The following PLOD1 variants were observed in gnomAD, a reference collection of about 807,000 sequenced individuals.
PLOD1 encodes lysine hydroxylase.
A neutral mutation model predicts 94.7 loss-of-function variants in PLOD1; 70 were observed. The ratio of observed to expected loss-of-function variants is 0.74; its 90% CI spans 0.61 to 0.90. The LOEUF (loss-of-function observed/expected upper bound fraction) is 0.90, where lower values mean the gene tolerates loss of function less well. Among genes scored for constraint, PLOD1 ranks in the 40% least tolerant of loss-of-function variants. The pLI, the probability that PLOD1 is intolerant of heterozygous loss-of-function variation, is 0.00. For missense variants in PLOD1, 905 were observed against 972.7 expected (o/e 0.93, Z 0.93); for synonymous variants, 417 against 400.2 (o/e 1.04, Z -0.50).
At chr1:11,939,263 G>C (rs1021256228) in intron 1 of PLOD1, among the ~76,000 whole-genome samples, 2 of 152,128 alleles carry the variant, frequency 1.3e-5, no homozygotes, top group South Asian at 2.1e-4. Flanking sequence ...AGCTGGCCCC[G>C]GGGAGGCTAA....
chr1:11,962,081 G>A (rs931075051), intron 10 of PLOD1, among the ~76,000 whole-genome samples: 14 of 151,538 alleles, frequency 9.2e-5, no homozygotes, highest in Non-Finnish European at 1.9e-4. Context: ...GAGCCACTGC[G>A]CCTGGTTAAT....
intron 16 of PLOD1, 129 bp from the exon 17 acceptor site, chr1:11,970,541 C>A: frequency 1.2e-6 from 1 of 856,422 alleles, no homozygotes; most frequent in Non-Finnish European, 1.9e-6. Context: ...TTAATTGTAT[C>A]TGCAAAGCCT....
At position 11,958,407 on chromosome 1, in the gene PLOD1, G is replaced by A; in HGVS notation, c.844-109G>A. 6 of 1,299,752 alleles carry A rather than the reference G, an allele frequency of 4.6e-6. No homozygotes were observed. Among genetic ancestry groups the A allele is most frequent in the South Asian group, 2.5e-5 (2 of 80,236 alleles). The allele number at this position is 1,299,752 out of a possible 1,614,324, so 80.5% of individuals were successfully genotyped here. A position where few individuals can be genotyped will look rare whatever the true frequency, so the allele number is the denominator to read the frequency against. ...CCGGCCCGGGCACCTTTCTTGGGAAGTCTACATGCTTCTGATTCTGGCTCT... is the reference window on the plus strand; with the variant it reads ...CCGGCCCGGGCACCTTTCTTGGGAAATCTACATGCTTCTGATTCTGGCTCT... On this transcript the variant is annotated intron_variant, in intron 8 of 18. Coordinates refer to ENST00000196061, the MANE Select transcript of PLOD1 (RefSeq NM_000302.4). The surrounding 1 kb of genome is among the most constrained non-coding windows in gnomAD (Gnocchi z 4.3).
At position 11,967,078 on chromosome 1, in the gene PLOD1, T is replaced by C. The variant is rs1645824204; in HGVS notation, c.1742T>C (p.Leu581Pro). 1 of 1,610,174 alleles carries C rather than the reference T, an allele frequency of 6.2e-7. No homozygotes were observed. Among genetic ancestry groups the C allele is most frequent in the South Asian group, 1.1e-5 (1 of 91,018 alleles). ...ATGGAGCACTTTGGCCAGTGGTCTC[T>C]GGGCAACAACAAGGTGGGACCCTGA... ...EEMEHFGQWS[L>P]GNNKDNRIQG... The change falls in exon 16 of 19, where the codon CTG (leucine) becomes CCG (proline). Residue 581 changes from leucine to proline, a missense_variant. Coordinates refer to ENST00000196061, the MANE Select transcript of PLOD1 (RefSeq NM_000302.4).
intron 1 of PLOD1, among the ~76,000 whole-genome samples, chr1:11,939,657 G>T (rs1645602980): frequency 1.3e-5 from 2 of 152,084 alleles, no homozygotes; most frequent in Admixed American, 6.6e-5. Flanking sequence ...ACCTAGTCTG[G>T]AGTGAAATGG....
At position 11,936,498 on chromosome 1, in the gene PLOD1, G is replaced by A. The variant is rs115627907; in HGVS notation, c.76+1643G>A. ...ATCCCGGGTTCTTTGGGTCAGGAATGGGAACCACCATTTATTTTATTTTAT... is the reference window on the plus strand; with the variant it reads ...ATCCCGGGTTCTTTGGGTCAGGAATAGGAACCACCATTTATTTTATTTTAT... On this transcript the variant is annotated intron_variant, in intron 1 of 18. Coordinates refer to ENST00000196061, the MANE Select transcript of PLOD1 (RefSeq NM_000302.4). 3.4e-3 allele frequency among the ~76,000 whole-genome samples: 511 copies of A among 151,824 alleles called. 7 individuals are homozygous for A. Among genetic ancestry groups the A allele is most frequent in the African/African-American group, 0.012 (481 of 41,428 alleles).
intron 4 of PLOD1, 128 bp from the exon 5 acceptor site, chr1:11,952,495 T>A (rs1173316652): frequency 1.4e-6 from 1 of 733,494 alleles, no homozygotes; most frequent in Non-Finnish European, 2.5e-6. Flanking sequence ...CAGGAGGACT[T>A]CTGAGAGGTG....
At chr1:11,943,215 C>CA (rs754406988) in intron 1 of PLOD1, among the ~76,000 whole-genome samples, 1 of 151,952 alleles carries the variant, frequency 6.6e-6, no homozygotes, top group African/African-American at 2.4e-5. Flanking sequence ...GTCTTGAACT[C>CA]CTGATCTCAT....
intron 4 of PLOD1, among the ~76,000 whole-genome samples, chr1:11,952,343 A>G (rs1035314394): frequency 3.3e-5 from 5 of 152,182 alleles, no homozygotes; most frequent in African/African-American, 1.2e-4. Flanking sequence ...CCGTTTCTTC[A>G]CCACCTATAT....
chr1:11,959,169 C>T (rs1645760577), intron 9 of PLOD1, among the ~76,000 whole-genome samples: 1 of 151,774 alleles, frequency 6.6e-6, no homozygotes, highest in African/African-American at 2.4e-5. Context: ...TGCGCCATTG[C>T]ACTCCAGCCT....
intron 1 of PLOD1, among the ~76,000 whole-genome samples, chr1:11,935,908 C>T (rs1173695634): frequency 6.6e-6 from 1 of 151,938 alleles, no homozygotes; most frequent in Non-Finnish European, 1.5e-5. Flanking sequence ...CAGGCGTGAG[C>T]CATCGCGCCC....
chr1:11,957,695 G>A lies in PLOD1; in HGVS notation c.742-147G>A. ...TCTCAGAGCGGCTTGGTGATCTCCT[G>A]GGGATGGAGCATTATCTCCAAGACC... is the stretch of plus-strand genomic sequence containing the variant. On this transcript the variant is annotated intron_variant, in intron 7 of 18. Coordinates refer to ENST00000196061, the MANE Select transcript of PLOD1 (RefSeq NM_000302.4). This position sits in a 1 kb window ranked among gnomAD's most constrained non-coding sequence, Gnocchi z 4.1. The A allele has an allele frequency of 1.3e-6, 1 of 756,864 alleles. No individual in the cohort carries two copies. Among genetic ancestry groups the A allele is most frequent in the Non-Finnish European group, 2.4e-6 (1 of 411,942 alleles). 46.9% of individuals were successfully genotyped at this position (756,864 alleles called of 1,614,324 possible). A position where few individuals can be genotyped will look rare whatever the true frequency, so the allele number is the denominator to read the frequency against.
intron 14 of PLOD1, among the ~76,000 whole-genome samples, 196 bp downstream of exon 14, chr1:11,965,789 T>C (rs1318129350): frequency 6.6e-6 from 1 of 152,124 alleles, no homozygotes; most frequent in Admixed American, 6.5e-5. Flanking sequence ...ACACCATCTA[T>C]TGGAGGAGGG....
intron 4 of PLOD1, 23 bp downstream of exon 4, chr1:11,950,543 G>T (rs199554315): frequency 6.2e-7 from 1 of 1,610,154 alleles, no homozygotes; most frequent in Non-Finnish European, 8.5e-7. Context: ...GGTGCAGGGC[G>T]CTTGGCCCAG....
chr1:11,934,721 C>G lies in PLOD1; in HGVS notation c.-59C>G, dbSNP rs1645564865. On this transcript the variant is annotated 5_prime_UTR_variant, in exon 1 of 19. Transcript: ENST00000196061. ...GGCAGCGGGACCTGCGGCCCCGTCGCGAAGTTTCCAGCCCTGCGAGCGCCG... is the reference window on the plus strand; with the variant it reads ...GGCAGCGGGACCTGCGGCCCCGTCGGGAAGTTTCCAGCCCTGCGAGCGCCG... 2.0e-6 allele frequency: 3 copies of G among 1,508,320 alleles called. No homozygotes were observed. Among genetic ancestry groups the G allele is most frequent in the Middle Eastern group, 2.3e-4 (1 of 4,376 alleles). The allele number at this position is 1,508,320 out of a possible 1,614,324, so 93.4% of individuals were successfully genotyped here.
At chr1:11,939,567 C>T (rs1645602295) in intron 1 of PLOD1, among the ~76,000 whole-genome samples, 1 of 152,098 alleles carries the variant, frequency 6.6e-6, no homozygotes. Flanking sequence ...ATCACATACG[C>T]ACACCCCAAC....
intron 6 of PLOD1, 101 bp downstream of exon 6, chr1:11,954,994 T>C (rs1645728700): frequency 1.1e-6 from 1 of 920,182 alleles, no homozygotes; most frequent in Admixed American, 1.9e-5. Context: ...TGCTTCTTTC[T>C]GGCCATTGTG....
intron 1 of PLOD1, among the ~76,000 whole-genome samples, chr1:11,935,772 G>A (rs1645574069): frequency 6.6e-6 from 1 of 152,096 alleles, no homozygotes; most frequent in African/African-American, 2.4e-5. Context: ...TTACAGGCAC[G>A]TGCCACCATG....
intron 1 of PLOD1, among the ~76,000 whole-genome samples, chr1:11,939,574 C>T (rs775677617): frequency 1.3e-5 from 2 of 152,108 alleles, no homozygotes; most frequent in Non-Finnish European, 2.9e-5. Context: ...ACGCACACCC[C>T]AACCAAGCCC....
Sources: allele counts gnomAD v4.1 joint callset (sites outside exome capture counted in the v4.1 genomes callset), GRCh38; gene constraint gnomAD v4.1.1; non-coding constraint Gnocchi (gnomAD v3.1); transcripts MANE v1.5; gene names NCBI Gene and HGNC (gene_info 2026-07-23, HGNC 2026-07-21).